GTF2IRD2B: variants seen among roughly 807,000 people sequenced by gnomAD.
The protein encoded by GTF2IRD2B is GTF2I repeat domain containing 2B.
GTF2IRD2B carries 10 observed loss-of-function variants against 55.6 expected under a neutral mutation model. The observed-to-expected ratio is 0.18, with a 90% CI of 0.11 to 0.31. The LOEUF is 0.31. Among genes scored for constraint, GTF2IRD2B ranks in the 10% least tolerant of loss-of-function variants. The pLI is 1.00. For missense variants in GTF2IRD2B, 206 were observed against 802.7 expected, an observed-to-expected ratio of 0.26 and a Z score of 8.98; for synonymous variants, 107 against 320.5, an observed-to-expected ratio of 0.33 and a Z score of 7.12.
At chr7:75,104,226 A>G (rs1807688676) in intron 1 of GTF2IRD2B, among the ~76,000 whole-genome samples, 1 of 147,326 alleles carries the variant, frequency 6.8e-6, no homozygotes, top group African/African-American at 2.5e-5. Context: ...GGGTTCAAGC[A>G]ATTCTCCTGC....
At chr7:75,109,177 C>CA in intron 2 of GTF2IRD2B, 114 bp downstream of exon 2, 1 of 659,840 alleles carries the variant, frequency 1.5e-6, no homozygotes, top group Non-Finnish European at 2.4e-6. Flanking sequence ...TTTTTTAAGA[C>CA]AGAGTCTCAC....
chr7:75,112,645 C>G, intron 3 of GTF2IRD2B, 110 bp downstream of exon 3: 1 of 1,553,674 alleles, frequency 6.4e-7, no homozygotes, highest in Non-Finnish European at 8.8e-7. Flanking sequence ...AGAAACGATC[C>G]TAACACATCT....
intron 1 of GTF2IRD2B, among the ~76,000 whole-genome samples, chr7:75,102,850 T>G (rs1490578524): frequency 6.6e-6 from 1 of 151,778 alleles, no homozygotes; most frequent in African/African-American, 2.4e-5. Context: ...TCCCAGCTAC[T>G]TGGGAGGCTG....
At chr7:75,132,317 C>T (rs1266499150) in intron 8 of GTF2IRD2B, among the ~76,000 whole-genome samples, 1 of 118,582 alleles carries the variant, frequency 8.4e-6, no homozygotes, top group Non-Finnish European at 1.7e-5. Flanking sequence ...CGAGATCATG[C>T]CACTGCACTC....
intron 4 of GTF2IRD2B, 39 bp from the exon 5 acceptor site, chr7:75,123,097 A>G: frequency 6.4e-7 from 1 of 1,554,308 alleles, no homozygotes; most frequent in South Asian, 1.2e-5. Flanking sequence ...GTAGAACGTT[A>G]GGTTCACACC....
chr7:75,115,959 G>T (rs1584533073), intron 3 of GTF2IRD2B, among the ~76,000 whole-genome samples: 4 of 112,068 alleles, frequency 3.6e-5, no homozygotes, highest in East Asian at 2.4e-4. Flanking sequence ...TTGCTCTGTT[G>T]CCCAGGCTGG....
At chr7:75,114,785 G>T (rs1238683845) in intron 3 of GTF2IRD2B, among the ~76,000 whole-genome samples, 1 of 149,530 alleles carries the variant, frequency 6.7e-6, no homozygotes, top group Middle Eastern at 3.2e-3. Context: ...TTTTATGGCC[G>T]CAGGTTTTTC....
intron 1 of GTF2IRD2B, among the ~76,000 whole-genome samples, chr7:75,096,914 G>A (rs1807397185): frequency 1.0e-5 from 1 of 97,634 alleles, no homozygotes; most frequent in Non-Finnish European, 1.9e-5. Flanking sequence ...TGAGGTGGGA[G>A]GATTGCTTGA....
At chr7:75,103,417 C>A (rs587694035) in intron 1 of GTF2IRD2B, among the ~76,000 whole-genome samples, 1 of 151,174 alleles carries the variant, frequency 6.6e-6, no homozygotes, top group Non-Finnish European at 1.5e-5. Context: ...CCTAAGCTGG[C>A]GTCACCTGCC....
At chr7:75,102,016 T>A (rs1554449589) in intron 1 of GTF2IRD2B, among the ~76,000 whole-genome samples, 1 of 151,720 alleles carries the variant, frequency 6.6e-6, no homozygotes, top group Non-Finnish European at 1.5e-5. Context: ...GTTTTGTTTT[T>A]TTGTGAGACG....
chr7:75,130,103 TTC>T (rs1745754450), intron 8 of GTF2IRD2B, among the ~76,000 whole-genome samples: 3 of 97,884 alleles, frequency 3.1e-5, no homozygotes, highest in Non-Finnish European at 6.6e-5. Context: ...CTTTCTTTCT[TTC>T]TTTCTTTCTT....
intron 3 of GTF2IRD2B, among the ~76,000 whole-genome samples, chr7:75,115,096 CT>C (rs60983909): frequency 0.19 from 8,293 of 43,706 alleles, 457 homozygotes; most frequent in African/African-American, 0.35. Flanking sequence ...TCGTGCCCAG[CT>C]TTTTTTTTTT....
chr7:75,119,143 G>A lies in GTF2IRD2B; in HGVS notation c.239-1748G>A, dbSNP rs1213279116. Among the ~76,000 whole-genome samples, 176 of 110,518 alleles carry A rather than the reference G, an allele frequency of 1.6e-3. 2 individuals are homozygous for A. Among genetic ancestry groups the A allele is most frequent in the Admixed American group, 3.2e-3 (25 of 7,920 alleles). The allele number at this position is 110,518 out of a possible 152,430, so 72.5% of individuals were successfully genotyped here. On this transcript the variant is annotated intron_variant, in intron 3 of 15. Coordinates refer to ENST00000472837, the MANE Select transcript of GTF2IRD2B (RefSeq NM_001003795.3). Reference sequence around the variant, plus strand: ...CGGGAGGCAGAGGTTGCAGTGAGCCGAGATCATGCCATTGCACTCCAGCTT... The same window carrying A: ...CGGGAGGCAGAGGTTGCAGTGAGCCAAGATCATGCCATTGCACTCCAGCTT...
intron 8 of GTF2IRD2B, among the ~76,000 whole-genome samples, chr7:75,127,758 C>T (rs1808570836): frequency 1.4e-5 from 1 of 73,246 alleles, no homozygotes; most frequent in Non-Finnish European, 2.7e-5. Flanking sequence ...AGGTACATTA[C>T]TATGACAGTG....
intron 1 of GTF2IRD2B, among the ~76,000 whole-genome samples, chr7:75,105,140 G>A (rs1477612998): frequency 1.3e-4 from 20 of 152,402 alleles, no homozygotes; most frequent in African/African-American, 4.8e-4. Flanking sequence ...AGGCTACACT[G>A]AACTGTGGTA....
At chr7:75,116,329 C>T (rs1324125808) in intron 3 of GTF2IRD2B, among the ~76,000 whole-genome samples, 1 of 146,650 alleles carries the variant, frequency 6.8e-6, no homozygotes, top group Non-Finnish European at 1.5e-5. Context: ...CTTTTTGATG[C>T]TATTGTAAAT....
At chr7:75,122,916 G>A (rs1808427314) in intron 4 of GTF2IRD2B, among the ~76,000 whole-genome samples, 1 of 150,242 alleles carries the variant, frequency 6.7e-6, no homozygotes, top group Admixed American at 6.6e-5. Context: ...TGGGCATGGT[G>A]GTGTGTGCCT....
chr7:75,115,345 A>C (rs1554537459), intron 3 of GTF2IRD2B, among the ~76,000 whole-genome samples: 2 of 150,944 alleles, frequency 1.3e-5, no homozygotes, highest in Non-Finnish European at 3.0e-5. Flanking sequence ...GAAATCAGGA[A>C]GTATGAGACC....
At chr7:75,147,427 C>T (rs1311238362) in intron 15 of GTF2IRD2B, among the ~76,000 whole-genome samples, 2 of 151,866 alleles carry the variant, frequency 1.3e-5, no homozygotes, top group South Asian at 2.1e-4. Context: ...AGCAAAACTC[C>T]GTCTCAAAAA....
Sources: gnomAD v4.1 joint callset for allele counts (sites outside exome capture counted in the v4.1 genomes callset) on GRCh38, gnomAD v4.1.1 for gene constraint, MANE v1.5 for transcripts, NCBI Gene and HGNC (gene_info 2026-07-23, HGNC 2026-07-21) for gene names.